Variants in PLEKHM2 observed in about 807,000 individuals in gnomAD.
The protein encoded by PLEKHM2 is pleckstrin homology and RUN domain containing M2, also known as pleckstrin homology domain-containing family M member 2.
Under a neutral mutation model 116.3 loss-of-function variants are expected in PLEKHM2, and 77 were observed. The ratio of observed to expected loss-of-function variants is 0.66; its 90% CI spans 0.55 to 0.80. The LOEUF (loss-of-function observed/expected upper bound fraction) is 0.80. Ranked by LOEUF, PLEKHM2 falls within the 30% of genes least tolerant of loss-of-function variation. PLEKHM2 has a pLI of 0.00. For missense variants in PLEKHM2, 1,183 were observed against 1,354.9 expected (o/e 0.87, Z 1.99); for synonymous variants, 562 against 571.0 (o/e 0.98, Z 0.22).
intron 1 of PLEKHM2, among the ~76,000 whole-genome samples, chr1:15,704,841 C>T (rs755330006): frequency 3.9e-5 from 6 of 152,208 alleles, no homozygotes; most frequent in African/African-American, 9.6e-5. Context: ...ATACTGCCCA[C>T]GTTTTCTGCC....
chr1:15,685,639 T>C (rs1230995095), intron 1 of PLEKHM2, among the ~76,000 whole-genome samples: 1 of 150,586 alleles, frequency 6.6e-6, no homozygotes, highest in Admixed American at 6.6e-5. Flanking sequence ...AGAAGCAAAA[T>C]GGATAGAATT....
intron 1 of PLEKHM2, among the ~76,000 whole-genome samples, chr1:15,711,890 G>A (rs1178525090): frequency 6.6e-6 from 1 of 151,782 alleles, no homozygotes; most frequent in Non-Finnish European, 1.5e-5. Flanking sequence ...AGGCTGAGGC[G>A]GGTGGATCAT....
chr1:15,682,514 G>A (rs1298419490), upstream of PLEKHM2, among the ~76,000 whole-genome samples: 2 of 151,950 alleles, frequency 1.3e-5, no homozygotes, highest in Non-Finnish European at 2.9e-5. Flanking sequence ...AGCTACTCGG[G>A]AGGCTGAGGC....
chr1:15,720,579 T>G, intron 6 of PLEKHM2: 1 of 510,326 alleles, frequency 2.0e-6, no homozygotes, highest in Non-Finnish European at 2.3e-6. Flanking sequence ...AACTGGCCAT[T>G]TTCCCCTCTT....
Position 15,727,744 on chromosome 1 carries a change from C to A in PLEKHM2, c.1672C>A (p.Pro558Thr), listed in dbSNP as rs1465885874. ...EVLCQLKRDQ[P>T]SPCLSSAEDS... The stretch of plus-strand genomic sequence containing the variant: ...TCTCTGCCAGCTCAAGCGAGACCAG[C>A]CCAGCCCGTGTCTGAGTAGCGCTGA... Residue 558 changes from proline (P) to threonine (T), a missense_variant, in exon 9 of 20, where the codon CCC (proline) becomes ACC (threonine). By Grantham distance (38) the Pro-to-Thr change is conservative. Coordinates refer to ENST00000375799, the MANE Select transcript of PLEKHM2 (RefSeq NM_015164.4). The surrounding 1 kb of genome is among the most constrained non-coding windows in gnomAD (Gnocchi z 7.5). 3 of 1,602,578 alleles carry A rather than the reference C, an allele frequency of 1.9e-6. No homozygotes were observed. The highest frequency in any genetic ancestry group is 2.6e-6 in the Non-Finnish European group (3 of 1,175,472).
intron 1 of PLEKHM2, among the ~76,000 whole-genome samples, chr1:15,696,709 C>G (rs1571025177): frequency 6.6e-6 from 1 of 152,200 alleles, no homozygotes; most frequent in East Asian, 1.9e-4. Context: ...TAGGAATCAA[C>G]AGTGAGCAAA....
rs35676514 is a variant in PLEKHM2 at position 15,690,070 on chromosome 1, T to TG, written c.60+5452_60+5453insG. ...CGCACCCAGCCGAGGTTTTTTTTTT[T>TG]TTTGTTTTGTTTTTTTGAGACAGTC... On this transcript the variant is annotated intron_variant, in intron 1 of 19. Coordinates refer to ENST00000375799, the MANE Select transcript of PLEKHM2 (RefSeq NM_015164.4). Among the ~76,000 whole-genome samples the TG allele has an allele frequency of 8.4e-3, 1,048 of 124,510 alleles. 9 individuals carry two copies. Among genetic ancestry groups the TG allele is most frequent in the African/African-American group, 0.035 (996 of 28,238 alleles). The allele number at this position is 124,510 out of a possible 152,430, so 81.7% of individuals were successfully genotyped here.
chr1:15,687,019 C>G (rs988413562), intron 1 of PLEKHM2, among the ~76,000 whole-genome samples: 17 of 151,976 alleles, frequency 1.1e-4, no homozygotes, highest in African/African-American at 3.6e-4. Context: ...AACTCCTGAC[C>G]TCAAGTGATC....
Position 15,718,535 on chromosome 1 carries a change from C to T in PLEKHM2, c.378-3C>T. 1 of 1,556,756 alleles carries T rather than the reference C, an allele frequency of 6.4e-7. No homozygotes were observed. Among genetic ancestry groups the T allele is most frequent in the Non-Finnish European group, 8.7e-7 (1 of 1,145,264 alleles). ...CACCATCGTGGCTTCTCATGTCTTG[C>T]AGGAATGCCCTGGTCTGCAGCCACG... On this transcript the variant is annotated splice_polypyrimidine_tract_variant and splice_region_variant and intron_variant, in intron 4 of 19. Coordinates refer to ENST00000375799, the MANE Select transcript of PLEKHM2 (RefSeq NM_015164.4).
upstream of PLEKHM2, among the ~76,000 whole-genome samples, chr1:15,682,312 G>A (rs1029498174): frequency 5.3e-5 from 8 of 151,756 alleles, no homozygotes; most frequent in African/African-American, 1.7e-4. Context: ...TTAGCTGGGC[G>A]TGGTGGCAGG....
chr1:15,690,059 GTTTT>G (rs769556510), intron 1 of PLEKHM2, among the ~76,000 whole-genome samples: 2 of 137,184 alleles, frequency 1.5e-5, no homozygotes, highest in African/African-American at 2.7e-5. Context: ...CCCAGCCGAG[GTTTT>G]TTTTTTTTTT....
chr1:15,732,640 T>C lies in PLEKHM2; in HGVS notation c.2834T>C (p.Leu945Pro). The C allele has an allele frequency of 1.2e-6, 2 of 1,606,686 alleles. No individual in the cohort carries two copies. Among genetic ancestry groups the C allele is most frequent in the Non-Finnish European group, 1.7e-6 (2 of 1,176,736 alleles). ...LEFSQDSQQL[L>P]PPWVIYLSCT... Reference sequence around the variant, plus strand: ...TTCTCCCAGGACAGCCAGCAGCTCCTCCCGCCCTGGGTCATCTACCTGAGC... The same window carrying C: ...TTCTCCCAGGACAGCCAGCAGCTCCCCCCGCCCTGGGTCATCTACCTGAGC... The change falls in exon 19 of 20, where the codon CTC becomes CCC. Residue 945 changes from leucine to proline, a missense_variant. Around this residue, in one of 3 missense-constraint regions of PLEKHM2, gnomAD observed 594 missense variants for 720.1 expected, o/e 0.82. Coordinates refer to ENST00000375799, the MANE Select transcript of PLEKHM2 (RefSeq NM_015164.4).
rs185773460 is a variant in PLEKHM2 at position 15,701,716 on chromosome 1, G to A, written c.61-14521G>A. ...TGAGGCAGGAGAATGGTGTGAACCC[G>A]GGAGGCGGAGCTTGCAGTGAGCCGA... On this transcript the variant is annotated intron_variant, in intron 1 of 19. Coordinates refer to ENST00000375799, the MANE Select transcript of PLEKHM2 (RefSeq NM_015164.4). Among the ~76,000 whole-genome samples the A allele has an allele frequency of 2.6e-3, 392 of 152,194 alleles. 1 individual carries two copies. The highest frequency in any genetic ancestry group is 8.8e-3 in the African/African-American group (367 of 41,530).
At chr1:15,722,171 T>G (rs2068004452) in intron 7 of PLEKHM2, among the ~76,000 whole-genome samples, 2 of 152,208 alleles carry the variant, frequency 1.3e-5, no homozygotes, top group Non-Finnish European at 2.9e-5. Context: ...TGAGACGGAG[T>G]CTCGCTCTGT....
intron 1 of PLEKHM2, among the ~76,000 whole-genome samples, chr1:15,694,647 A>G (rs1196546853): frequency 1.3e-5 from 2 of 152,096 alleles, no homozygotes; most frequent in East Asian, 3.8e-4. Flanking sequence ...CCATTGATCT[A>G]TCCGTTATTG....
chr1:15,698,706 C>G (rs539563880), intron 1 of PLEKHM2, among the ~76,000 whole-genome samples: 36 of 152,002 alleles, frequency 2.4e-4, no homozygotes, highest in African/African-American at 8.4e-4. Flanking sequence ...CACCACCACA[C>G]CTGGCTAATT....
chr1:15,692,517 A>AT (rs1216863074), intron 1 of PLEKHM2, among the ~76,000 whole-genome samples: 2 of 152,208 alleles, frequency 1.3e-5, no homozygotes, highest in East Asian at 3.9e-4. Context: ...TCCTGACCCC[A>AT]TGAGTAACTC....
upstream of PLEKHM2, chr1:15,681,637 A>G: frequency 4.3e-6 from 2 of 460,320 alleles, no homozygotes; most frequent in South Asian, 1.5e-5. Context: ...TGGGGCCTGT[A>G]TGCACCCTAG....
In PLEKHM2 at chr1:15,731,887, A is replaced by AGGGG; in HGVS notation, c.2467_2470dup. On this transcript the variant is annotated splice_acceptor_variant, in intron 16 of 19. Transcript: ENST00000375799. LOFTEE classifies it high-confidence loss of function. ...CCGTTTCACCCTCCTCCTCTGGCCC[A>AGGGG]GGGGGGAGCAGTGCGGTGGCTGCCG... 6.2e-7 allele frequency: 1 copy of AGGGG among 1,609,656 alleles called. No individual in the cohort carries two copies. The highest frequency in any genetic ancestry group is 8.5e-7 in the Non-Finnish European group (1 of 1,178,464).
Sources: allele counts gnomAD v4.1 joint callset (sites outside exome capture counted in the v4.1 genomes callset), GRCh38; gene constraint gnomAD v4.1.1; regional missense constraint gnomAD v4.1.1; non-coding constraint Gnocchi (gnomAD v3.1); transcripts MANE v1.5; gene names NCBI Gene and HGNC (gene_info 2026-07-23, HGNC 2026-07-21).